KSR1: variants seen among roughly 807,000 people sequenced by gnomAD.
KSR1 encodes kinase suppressor of ras.
A neutral mutation model predicts 92.9 loss-of-function variants in KSR1; 35 were observed. The observed-to-expected ratio is 0.38, with a 90% CI of 0.29 to 0.50. The LOEUF is 0.50. Ranked by LOEUF, KSR1 falls within the 20% of genes least tolerant of loss-of-function variation. The pLI is 0.94. For synonymous variants in KSR1, 467 were observed against 472.6 expected, an observed-to-expected ratio of 0.99 and a Z score of 0.15; for missense variants, 972 against 1,158.5, an observed-to-expected ratio of 0.84 and a Z score of 2.34.
intron 1 of KSR1, among the ~76,000 whole-genome samples, chr17:27,507,561 G>T: frequency 9.1e-6 from 1 of 110,406 alleles, no homozygotes; most frequent in Non-Finnish European, 1.9e-5. Flanking sequence ...TTTATTGTTT[G>T]GCTTTTTTTT....
At chr17:27,501,742 G>T (rs773852310) in intron 1 of KSR1, among the ~76,000 whole-genome samples, 2 of 152,192 alleles carry the variant, frequency 1.3e-5, no homozygotes, top group Non-Finnish European at 2.9e-5. Flanking sequence ...CAAAAGATCC[G>T]CCTGCCTCGG....
intron 1 of KSR1, among the ~76,000 whole-genome samples, chr17:27,494,481 G>A (rs1156751379): frequency 1.3e-5 from 2 of 152,154 alleles, no homozygotes; most frequent in African/African-American, 2.4e-5. Context: ...AGTGAAAGGG[G>A]CAGATTTACC....
In KSR1 at chr17:27,581,968, C is replaced by CTGGGGCTTG. The variant is rs2072777244; in HGVS notation, c.521-678_521-677insTGGGGCTTG. 2.0e-5 allele frequency among the ~76,000 whole-genome samples: 3 copies of CTGGGGCTTG among 152,320 alleles called. No individual in the cohort carries two copies. In the South Asian group the frequency reaches 6.2e-4, roughly 32 times the overall value. ...CCAGAGCACTTTGCTGTTGGATGCT[C>CTGGGGCTTG]AGAATAGCCCCTCGTCCCAATGTTT... On this transcript the variant is annotated intron_variant, in intron 3 of 20. Coordinates refer to ENST00000644974, the MANE Select transcript of KSR1 (RefSeq NM_001394583.1).
At chr17:27,562,508 T>C (rs898023146) in intron 2 of KSR1, among the ~76,000 whole-genome samples, 1 of 152,184 alleles carries the variant, frequency 6.6e-6, no homozygotes, top group African/African-American at 2.4e-5. Context: ...ACTGTGTGCC[T>C]ATAGCCCTGC....
Position 27,499,406 on chromosome 17 carries a change from C to T in KSR1, c.231+42532C>T, listed in dbSNP as rs377674398. ...TAGCTAAGAAGGGAGATCAAGGCAC[C>T]GGACAACCAGAGGGGGCAAAAATTA... is the stretch of plus-strand genomic sequence containing the variant. On this transcript the variant is annotated intron_variant, in intron 1 of 20. Coordinates refer to ENST00000644974, the MANE Select transcript of KSR1 (RefSeq NM_001394583.1). Among the ~76,000 whole-genome samples the T allele has an allele frequency of 9.9e-5, 15 of 152,224 alleles. No homozygotes were observed. In the South Asian group the frequency reaches 1.9e-3, roughly 19 times the overall value.
At chr17:27,521,412 C>T (rs1049553079) in intron 1 of KSR1, among the ~76,000 whole-genome samples, 2 of 150,126 alleles carry the variant, frequency 1.3e-5, no homozygotes, top group African/African-American at 5.0e-5. Flanking sequence ...GGAGCCCCGA[C>T]TTCCTGGGCT....
chr17:27,588,640 C>T lies in KSR1; in HGVS notation c.1046+105C>T, dbSNP rs545044404. Reference sequence around the variant, plus strand: ...TTCTCAGCGAGCTCTTTGCCTCTGACGGGCCTGTCCATTTCACCTGTGGGA... The same window carrying T: ...TTCTCAGCGAGCTCTTTGCCTCTGATGGGCCTGTCCATTTCACCTGTGGGA... On this transcript the variant is annotated intron_variant, in intron 6 of 20. Coordinates refer to ENST00000644974, the MANE Select transcript of KSR1 (RefSeq NM_001394583.1). The T allele has an allele frequency of 2.7e-5, 28 of 1,019,898 alleles. No homozygotes were observed. In the African/African-American group the frequency reaches 3.5e-4, roughly 13 times the overall value. 63.2% of individuals were successfully genotyped at this position (1,019,898 alleles called of 1,614,324 possible). A position where few individuals can be genotyped will look rare whatever the true frequency, so the allele number is the denominator to read the frequency against.
intron 1 of KSR1, among the ~76,000 whole-genome samples, chr17:27,542,650 G>T (rs867785579): frequency 2.0e-5 from 3 of 152,324 alleles, no homozygotes; most frequent in African/African-American, 7.2e-5. Flanking sequence ...AAAAAAGCCT[G>T]GGTGGGGTAT....
At chr17:27,555,263 G>A (rs776825263) in intron 2 of KSR1, among the ~76,000 whole-genome samples, 8 of 151,816 alleles carry the variant, frequency 5.3e-5, no homozygotes, top group African/African-American at 9.7e-5. Context: ...ATCTCCTCTG[G>A]GGGTGTATCT....
In KSR1 at chr17:27,518,323, C is replaced by T. The variant is rs180876790; in HGVS notation, c.232-32245C>T. 2.9e-3 allele frequency among the ~76,000 whole-genome samples: 435 copies of T among 152,310 alleles called. 1 individual carries two copies. The highest frequency in any genetic ancestry group is 9.2e-3 in the African/African-American group (383 of 41,566). On this transcript the variant is annotated intron_variant, in intron 1 of 20. Coordinates refer to ENST00000644974, the MANE Select transcript of KSR1 (RefSeq NM_001394583.1). ...CTACACCTTTTCATTTCTCAATCCA[C>T]TTAATACTGGGTGGAGTAGCTGCAC...
At chr17:27,491,387 G>A (rs1441798974) in intron 1 of KSR1, among the ~76,000 whole-genome samples, 3 of 149,020 alleles carry the variant, frequency 2.0e-5, no homozygotes, top group South Asian at 2.2e-4. Flanking sequence ...GGAATGTCTC[G>A]CTTTCTTGCC....
chr17:27,623,150 G>A (rs779104443), intron 20 of KSR1, 164 bp from the exon 21 acceptor site: 6 of 649,210 alleles, frequency 9.2e-6, no homozygotes, highest in African/African-American at 1.8e-5. Context: ...GGCCTTGGAC[G>A]CAGTATGACC....
intron 12 of KSR1, 125 bp downstream of exon 12, chr17:27,604,013 C>A (rs1186640702): frequency 1.9e-5 from 18 of 923,138 alleles, no homozygotes; most frequent in Non-Finnish European, 2.9e-5. Context: ...ACTCCCTGGG[C>A]TCATTCACCC....
intron 2 of KSR1, among the ~76,000 whole-genome samples, chr17:27,561,877 G>A (rs1339382753): frequency 1.3e-5 from 2 of 152,134 alleles, no homozygotes; most frequent in Non-Finnish European, 2.9e-5. Flanking sequence ...GCAGAGTCTC[G>A]CTCTGTCGCC....
intron 10 of KSR1, among the ~76,000 whole-genome samples, chr17:27,600,128 G>A (rs1392875010): frequency 1.7e-5 from 2 of 120,390 alleles, no homozygotes; most frequent in African/African-American, 6.5e-5. Context: ...AGTAGAACAA[G>A]TATACTCTAA....
rs1161640507 is a variant in KSR1, at chr17:27,459,372, C to T, written c.231+2498C>T. Among the ~76,000 whole-genome samples the T allele has an allele frequency of 6.6e-6, 1 of 152,212 alleles. No homozygotes were observed. Among genetic ancestry groups the T allele is most frequent in the Non-Finnish European group, 1.5e-5 (1 of 68,030 alleles). ...GGACCCTTGCTAGGGAAACTTAACC[C>T]CCTACTTTATGGGTTCAGTAAATCT... On this transcript the variant is annotated intron_variant, in intron 1 of 20. Transcript: ENST00000644974. The surrounding 1 kb of genome is among the most constrained non-coding windows in gnomAD (Gnocchi z 4.6).
Position 27,611,606 on chromosome 17 carries a change from G to A in KSR1, c.2470G>A (p.Val824Ile), listed in dbSNP as rs1235767559. Residue 824 changes from valine (V) to isoleucine (I), a missense_variant, in exon 18 of 21, where the codon GTC becomes ATC. Around this residue, in one of 5 missense-constraint regions of KSR1, gnomAD observed 260 missense variants for 375.2 expected, o/e 0.69. Coordinates refer to ENST00000644974, the MANE Select transcript of KSR1 (RefSeq NM_001394583.1). The part of the protein sequence containing the change: ...GEGMKRVLTS[V>I]SLGKEVSEIL... The stretch of plus-strand genomic sequence containing the variant: ...AGGAATGAAGCGTGTCCTGACTTCT[G>A]TCAGCTTGGGGAAGGAAGTCAGTGT... 1.2e-6 allele frequency: 2 copies of A among 1,613,756 alleles called. No homozygotes were observed. Among genetic ancestry groups the A allele is most frequent in the African/African-American group, 2.7e-5 (2 of 74,922 alleles).
intron 1 of KSR1, among the ~76,000 whole-genome samples, chr17:27,538,175 G>A (rs963732969): frequency 6.6e-6 from 1 of 152,180 alleles, no homozygotes; most frequent in African/African-American, 2.4e-5. Flanking sequence ...AAGGAGGTTT[G>A]GAATACTGCG....
chr17:27,460,253 C>A (rs1206805624), intron 1 of KSR1, among the ~76,000 whole-genome samples: 1 of 152,166 alleles, frequency 6.6e-6, no homozygotes, highest in Admixed American at 6.5e-5. Flanking sequence ...TACCTTCATT[C>A]CTTTGAATCT....
Sources: gnomAD v4.1 joint callset for allele counts (sites outside exome capture counted in the v4.1 genomes callset) on GRCh38, gnomAD v4.1.1 for gene constraint, gnomAD v4.1.1 regional missense constraint, Gnocchi (gnomAD v3.1) non-coding constraint, MANE v1.5 for transcripts, NCBI Gene and HGNC (gene_info 2026-07-23, HGNC 2026-07-21) for gene names.